DLGAP2: variants seen among roughly 807,000 people sequenced by gnomAD.
DLGAP2 encodes the protein DLG associated protein 2, also known as disks large-associated protein 2.
DLGAP2 carries 26 observed loss-of-function variants against 100.3 expected under a neutral mutation model. The observed-to-expected ratio is 0.26, with a 90% CI of 0.19 to 0.36. The LOEUF (loss-of-function observed/expected upper bound fraction) is 0.36. Among genes scored for constraint, DLGAP2 ranks in the 10% least tolerant of loss-of-function variants. The pLI, the probability that DLGAP2 is intolerant of heterozygous loss-of-function variation, is 1.00. For synonymous variants in DLGAP2, 886 were observed against 630.1 expected, an observed-to-expected ratio of 1.41 and a Z score of -6.08; for missense variants, 1,858 against 1,453.2, an observed-to-expected ratio of 1.28 and a Z score of -4.53.
At chr8:1,314,951 C>G (rs1272721276) in intron 3 of DLGAP2, among the ~76,000 whole-genome samples, 3 of 152,224 alleles carry the variant, frequency 2.0e-5, no homozygotes, top group Non-Finnish European at 4.4e-5. Flanking sequence ...GCGCAAGATG[C>G]CCTCTGAAAG....
At chr8:1,419,979 G>A (rs371558407) in intron 3 of DLGAP2, among the ~76,000 whole-genome samples, 3 of 152,340 alleles carry the variant, frequency 2.0e-5, no homozygotes, top group South Asian at 4.2e-4. Flanking sequence ...AGACACAGTG[G>A]ACTACAGTTC....
intron 1 of DLGAP2, among the ~76,000 whole-genome samples, chr8:862,596 C>G (rs1461176899): frequency 1.3e-5 from 2 of 152,196 alleles, no homozygotes; most frequent in Admixed American, 6.5e-5. Context: ...CCTGGCCAGA[C>G]TCCAGTTTTA....
At chr8:1,199,393 G>C (rs1797820770) in intron 2 of DLGAP2, among the ~76,000 whole-genome samples, 1 of 152,160 alleles carries the variant, frequency 6.6e-6, no homozygotes, top group Admixed American at 6.5e-5. Context: ...ATAGATTCCA[G>C]GATTACAGAA....
chr8:1,250,409 C>T (rs1028898489), intron 2 of DLGAP2: 3 of 151,584 alleles, frequency 2.0e-5, no homozygotes, highest in Non-Finnish European at 2.9e-5. Flanking sequence ...TGATCGCAGC[C>T]GTCTCCCAGC....
chr8:890,015 G>T (rs549310018), intron 1 of DLGAP2, among the ~76,000 whole-genome samples: 1 of 152,058 alleles, frequency 6.6e-6, no homozygotes, highest in Non-Finnish European at 1.5e-5. Flanking sequence ...CCCCTTCCCC[G>T]TGTGTTTCTC....
At chr8:1,539,475 C>G (rs1034045668) in intron 4 of DLGAP2, among the ~76,000 whole-genome samples, 1 of 152,152 alleles carries the variant, frequency 6.6e-6, no homozygotes, top group African/African-American at 2.4e-5. Flanking sequence ...CCCATCCCCA[C>G]GAGTTGAGTG....
At chr8:1,178,822 C>A (rs1797317810) in intron 2 of DLGAP2, among the ~76,000 whole-genome samples, 1 of 152,206 alleles carries the variant, frequency 6.6e-6, no homozygotes, top group Admixed American at 6.5e-5. Context: ...CAGCATCTGT[C>A]CACCCTGGTT....
At chr8:1,589,394 C>T (rs1234331797) in intron 6 of DLGAP2, among the ~76,000 whole-genome samples, 1 of 152,180 alleles carries the variant, frequency 6.6e-6, no homozygotes, top group Non-Finnish European at 1.5e-5. Flanking sequence ...TTCAAAGCCT[C>T]AGAAATGAAA....
At chr8:856,356 T>A (rs969651322) in intron 1 of DLGAP2, among the ~76,000 whole-genome samples, 1 of 151,988 alleles carries the variant, frequency 6.6e-6, no homozygotes, top group Non-Finnish European at 1.5e-5. Flanking sequence ...GCCTGGCTAA[T>A]TTTGTATTTT....
chr8:1,305,878 C>T lies in DLGAP2; in HGVS notation c.106+46995C>T, dbSNP rs568594415. On this transcript the variant is annotated intron_variant, in intron 3 of 14. Coordinates refer to ENST00000637795, the MANE Select transcript of DLGAP2 (RefSeq NM_001346810.2). ...CAAGGCAAGTGTGCCCTTGCCTGCC[C>T]TCTACTTATGTGCTTTTATAAATGG... 7.9e-5 allele frequency among the ~76,000 whole-genome samples: 12 copies of T among 152,282 alleles called. No homozygotes were observed. The South Asian group carries it at 2.5e-3, about 32-fold the overall frequency.
chr8:1,187,440 C>T (rs147628698), intron 2 of DLGAP2, among the ~76,000 whole-genome samples: 1,252 of 121,514 alleles, frequency 0.01, 62 homozygotes, highest in African/African-American at 0.047. Flanking sequence ...GTTTGCCTCA[C>T]GGAATCTCAC....
At chr8:1,170,837 C>G (rs1797113738) in intron 2 of DLGAP2, among the ~76,000 whole-genome samples, 1 of 145,272 alleles carries the variant, frequency 6.9e-6, no homozygotes, top group Admixed American at 7.1e-5. Context: ...AAAACCAGCT[C>G]CTGGATTCAT....
intron 3 of DLGAP2, among the ~76,000 whole-genome samples, chr8:1,437,815 A>AAG (rs1290694417): frequency 8.1e-6 from 1 of 124,220 alleles, no homozygotes; most frequent in Non-Finnish European, 1.6e-5. Context: ...TAAAAATACA[A>AAG]AAAAAAAAAA....
intron 2 of DLGAP2, among the ~76,000 whole-genome samples, chr8:909,850 C>T (rs1017705136): frequency 3.9e-5 from 6 of 152,068 alleles, no homozygotes; most frequent in Admixed American, 3.9e-4. Flanking sequence ...CCAGTATGTC[C>T]GAAGCTGCTT....
chr8:1,082,101 A>G (rs1478308646), intron 2 of DLGAP2, among the ~76,000 whole-genome samples: 2 of 152,144 alleles, frequency 1.3e-5, no homozygotes, highest in African/African-American at 2.4e-5. Context: ...TACATGTAAT[A>G]TCTTCCTCTG....
At chr8:1,507,780 C>T (rs1319077034) in intron 4 of DLGAP2, among the ~76,000 whole-genome samples, 6 of 152,008 alleles carry the variant, frequency 3.9e-5, no homozygotes, top group African/African-American at 1.5e-4. Flanking sequence ...CCTTCACCCA[C>T]GACCCTCCTT....
intron 3 of DLGAP2, among the ~76,000 whole-genome samples, chr8:1,451,063 G>C (rs537327389): frequency 9.9e-5 from 15 of 152,192 alleles, no homozygotes; most frequent in African/African-American, 3.4e-4. Context: ...CCCTACGGTG[G>C]TTTTAAAGTT....
intron 2 of DLGAP2, among the ~76,000 whole-genome samples, chr8:944,783 AG>A (rs1335910140): frequency 7.1e-6 from 1 of 141,340 alleles, no homozygotes; most frequent in Non-Finnish European, 1.5e-5. Context: ...TGGGTGATCC[AG>A]GGGGTGGTAA....
chr8:1,429,190 C>A (rs564179508), intron 3 of DLGAP2, among the ~76,000 whole-genome samples: 25 of 152,278 alleles, frequency 1.6e-4, no homozygotes, highest in African/African-American at 6.0e-4. Context: ...GGTGGAGTCT[C>A]TACTTAGAGG....
Sources: allele counts gnomAD v4.1 joint callset (sites outside exome capture counted in the v4.1 genomes callset), GRCh38; gene constraint gnomAD v4.1.1; transcripts MANE v1.5; gene names NCBI Gene and HGNC (gene_info 2026-07-23, HGNC 2026-07-21).